The following PRDM16 variants were observed in gnomAD, a reference collection of about 807,000 sequenced individuals.
PRDM16 encodes PR/SET domain 16.
In PRDM16, 23 loss-of-function variants were observed where a neutral mutation model predicts 110.6. That is an observed-to-expected ratio of 0.21 (90% confidence interval 0.15 to 0.29). The LOEUF (loss-of-function observed/expected upper bound fraction) is 0.29. Ranked by LOEUF, PRDM16 falls within the 10% of genes least tolerant of loss-of-function variation. PRDM16 has a pLI of 1.00. For missense variants in PRDM16, 1,615 were observed against 1,794.3 expected (o/e 0.90, Z 1.81); for synonymous variants, 799 against 781.8 (o/e 1.02, Z -0.37).
chr1:3,396,711 G>A (rs1356535118), intron 5 of PRDM16, 118 bp downstream of exon 5: 11 of 602,088 alleles, frequency 1.8e-5, no homozygotes, highest in South Asian at 1.8e-4. Flanking sequence ...CCTAATGAGG[G>A]CCAGGCGGCC....
At chr1:3,409,643 G>A (rs563335958) in intron 8 of PRDM16, among the ~76,000 whole-genome samples, 19 of 151,994 alleles carry the variant, frequency 1.3e-4, no homozygotes, top group African/African-American at 3.6e-4. Flanking sequence ...GACACTCGCC[G>A]GGATGTGTGT....
chr1:3,174,750 A>G (rs572565214), intron 1 of PRDM16, among the ~76,000 whole-genome samples: 1 of 152,224 alleles, frequency 6.6e-6, no homozygotes, highest in African/African-American at 2.4e-5. Flanking sequence ...CTCTGAGGTC[A>G]GGGCTCCGTC....
Position 3,425,554 on chromosome 1 carries a change from A to G in PRDM16, c.2940-27A>G, listed in dbSNP as rs1272759913. On this transcript the variant is annotated intron_variant, in intron 12 of 16. Transcript: ENST00000270722. This position sits in a 1 kb window ranked among gnomAD's most constrained non-coding sequence, Gnocchi z 6.9. ...CCTGCCATGCAGAGCCGGGGCCTGC[A>G]CTGAGGAGCGCGTGTGCCCCTTCCA... The G allele has an allele frequency of 3.7e-6, 6 of 1,610,504 alleles. No individual in the cohort carries two copies. The Admixed American group carries it at 6.7e-5, about 18-fold the overall frequency.
rs1206634864 is a variant in PRDM16 at position 3,359,165 on chromosome 1, G to C, written c.439-25987G>C. On this transcript the variant is annotated intron_variant, in intron 3 of 16. Transcript: ENST00000270722. The surrounding 1 kb of genome is among the most constrained non-coding windows in gnomAD (Gnocchi z 4.3). Reference sequence around the variant, plus strand: ...AGCGATCCTCCCTCCTCAGCCTCCCGAGTAGCTGGGACTACAGGCAGGTGC... The same window carrying C: ...AGCGATCCTCCCTCCTCAGCCTCCCCAGTAGCTGGGACTACAGGCAGGTGC... 6.6e-6 allele frequency among the ~76,000 whole-genome samples: 1 copy of C among 152,088 alleles called. No individual in the cohort carries two copies. Among genetic ancestry groups the C allele is most frequent in the Non-Finnish European group, 1.5e-5 (1 of 68,008 alleles).
At chr1:3,176,212 C>T (rs1279819880) in intron 1 of PRDM16, among the ~76,000 whole-genome samples, 1 of 152,036 alleles carries the variant, frequency 6.6e-6, no homozygotes, top group Non-Finnish European at 1.5e-5. Context: ...TCTATCCCCT[C>T]ATCTATCCAC....
At chr1:3,379,030 C>T (rs192738198) in intron 3 of PRDM16, among the ~76,000 whole-genome samples, 1 of 151,870 alleles carries the variant, frequency 6.6e-6, no homozygotes, top group Non-Finnish European at 1.5e-5. Context: ...ATAGCAGACA[C>T]AGGCCTGGCC....
intron 2 of PRDM16, among the ~76,000 whole-genome samples, chr1:3,219,599 G>C (rs575658650): frequency 1.8e-4 from 28 of 152,168 alleles, no homozygotes; most frequent in African/African-American, 6.3e-4. Context: ...TGCAGTGTTC[G>C]GGAACAGGAC....
intron 1 of PRDM16, among the ~76,000 whole-genome samples, chr1:3,113,495 AGGGAG>A (rs1419355861): frequency 1.4e-4 from 6 of 41,768 alleles, no homozygotes; most frequent in African/African-American, 5.3e-4. Flanking sequence ...GGAGGGAGGG[AGGGAG>A]GGGAGGGGAC....
intron 1 of PRDM16, among the ~76,000 whole-genome samples, chr1:3,141,251 T>A (rs952453016): frequency 1.3e-5 from 2 of 152,266 alleles, no homozygotes; most frequent in Admixed American, 1.3e-4. Context: ...TCTGCCGTGA[T>A]GAATGCTTCT....
chr1:3,155,571 C>T (rs1643847291), intron 1 of PRDM16, among the ~76,000 whole-genome samples: 1 of 152,278 alleles, frequency 6.6e-6, no homozygotes, highest in South Asian at 2.1e-4. Flanking sequence ...GATACAGCAG[C>T]GTTGCCGCGT....
At chr1:3,270,084 A>G (rs1194193444) in intron 3 of PRDM16, among the ~76,000 whole-genome samples, 1 of 150,486 alleles carries the variant, frequency 6.6e-6, no homozygotes, top group Non-Finnish European at 1.5e-5. Flanking sequence ...ACAGTCCCAG[A>G]GGATGACAGT....
Position 3,412,326 on chromosome 1 carries a change from G to A in PRDM16, c.2129G>A (p.Gly710Glu), listed in dbSNP as rs1643705963. ...AAGTACTTTGGCCCCGGCTTCATGGGGATGCAGGAGAAGAAGCTGGGCTCG... is the reference window on the plus strand; with the variant it reads ...AAGTACTTTGGCCCCGGCTTCATGGAGATGCAGGAGAAGAAGCTGGGCTCG... ...AEKYFGPGFM[G>E]MQEKKLGSLP... The change falls in exon 9 of 17, where the codon GGG becomes GAG. Residue 710 changes from glycine to glutamate, a missense_variant. Physicochemically the swap from Gly to Glu is moderately conservative, Grantham distance 98 (BLOSUM62 -2). Transcript: ENST00000270722. 6.2e-7 allele frequency: 1 copy of A among 1,613,804 alleles called. No homozygotes were observed. Among genetic ancestry groups the A allele is most frequent in the Admixed American group, 1.7e-5 (1 of 60,022 alleles).
chr1:3,338,754 A>G (rs1642211848), intron 3 of PRDM16, among the ~76,000 whole-genome samples: 1 of 152,246 alleles, frequency 6.6e-6, no homozygotes, highest in African/African-American at 2.4e-5. Flanking sequence ...CAGCCAGGAC[A>G]GAAAGTGTCT....
At chr1:3,182,104 G>A (rs939848523) in intron 1 of PRDM16, among the ~76,000 whole-genome samples, 21 of 152,218 alleles carry the variant, frequency 1.4e-4, no homozygotes, top group Non-Finnish European at 2.8e-4. Context: ...GCCACCACAC[G>A]GTGCCTCTTT....
chr1:3,418,062 T>C (rs1569750231), intron 11 of PRDM16, 65 bp downstream of exon 11: 4 of 1,386,204 alleles, frequency 2.9e-6, no homozygotes, highest in East Asian at 2.4e-5. Context: ...CCTGTGGCTG[T>C]GAACCTGTGC....
rs1638998686 is a variant in PRDM16, at chr1:3,215,415, G to GACAA, written c.388-28672_388-28671insACAA. On this transcript the variant is annotated intron_variant, in intron 2 of 16. Coordinates refer to ENST00000270722, the MANE Select transcript of PRDM16 (RefSeq NM_022114.4). ...AGGAGGGTCATGGGTCCCGGGGACA[G>GACAA]GCAAGGCCTATTGGGGTCCAGGAGA... 1.3e-4 allele frequency among the ~76,000 whole-genome samples: 20 copies of GACAA among 151,464 alleles called. No homozygotes were observed. In the South Asian group the frequency reaches 3.9e-3, roughly 30 times the overall value.
Position 3,418,770 on chromosome 1 carries a change from G to C in PRDM16, c.2939+26G>C, listed in dbSNP as rs749525413. ...GTAGGTGCTGCGTGGGCTGGGTGTGGGGGCGGGGCCGCCTGCCTCCGTGCA... is the reference window on the plus strand; with the variant it reads ...GTAGGTGCTGCGTGGGCTGGGTGTGCGGGCGGGGCCGCCTGCCTCCGTGCA... On this transcript the variant is annotated intron_variant, in intron 12 of 16. Transcript: ENST00000270722. The C allele has an allele frequency of 1.4e-5, 23 of 1,588,534 alleles. No homozygotes were observed. In the South Asian group the frequency reaches 2.3e-4, roughly 16 times the overall value.
At chr1:3,351,752 C>T (rs202056675) in intron 3 of PRDM16, among the ~76,000 whole-genome samples, 8 of 122,718 alleles carry the variant, frequency 6.5e-5, no homozygotes, top group Non-Finnish European at 1.2e-4. Context: ...CTCTCTCCCC[C>T]CCCTCTGTTT....
At position 3,157,374 on chromosome 1, in the gene PRDM16, T is replaced by C. The variant is rs1643866946; in HGVS notation, c.38-28751T>C. 2.6e-5 allele frequency among the ~76,000 whole-genome samples: 4 copies of C among 151,152 alleles called. No homozygotes were observed. ...TATTGATTGACTGAATTTACAGCAT[T>C]TGATCTGGGGACCTGCCCCCAGGCT... On this transcript the variant is annotated intron_variant, in intron 1 of 16. Coordinates refer to ENST00000270722, the MANE Select transcript of PRDM16 (RefSeq NM_022114.4). The surrounding 1 kb of genome is among the most constrained non-coding windows in gnomAD (Gnocchi z 4.8).
Sources: gnomAD v4.1 joint callset for allele counts (sites outside exome capture counted in the v4.1 genomes callset) on GRCh38, gnomAD v4.1.1 for gene constraint, Gnocchi (gnomAD v3.1) non-coding constraint, MANE v1.5 for transcripts, NCBI Gene and HGNC (gene_info 2026-07-23, HGNC 2026-07-21) for gene names.